RHOJ: variants seen among roughly 807,000 people sequenced by gnomAD.
RHOJ encodes the protein rho-related GTP-binding protein RhoJ.
A neutral mutation model predicts 23.4 loss-of-function variants in RHOJ; 11 were observed. The ratio of observed to expected loss-of-function variants is 0.47; its 90% CI spans 0.30 to 0.78. The LOEUF (loss-of-function observed/expected upper bound fraction) is 0.78. Ranked by LOEUF, RHOJ falls within the 30% of genes least tolerant of loss-of-function variation. The pLI, the probability that RHOJ is intolerant of heterozygous loss-of-function variation, is 0.08. For missense variants in RHOJ, 254 were observed against 273.4 expected (o/e 0.93, Z 0.50); for synonymous variants, 102 against 102.7 (o/e 0.99, Z 0.04).
chr14:63,272,167 G>C (rs1895482871), intron 2 of RHOJ, among the ~76,000 whole-genome samples: 1 of 152,182 alleles, frequency 6.6e-6, no homozygotes, highest in Non-Finnish European at 1.5e-5. Flanking sequence ...GGATGCAATG[G>C]AAAATAACCA....
chr14:63,214,195 C>A (rs1378101452), intron 1 of RHOJ, among the ~76,000 whole-genome samples: 1 of 152,122 alleles, frequency 6.6e-6, no homozygotes, highest in African/African-American at 2.4e-5. Flanking sequence ...ATTCTTGGGT[C>A]CATGTAAGGG....
chr14:63,225,139 G>A (rs1009087715), intron 1 of RHOJ, among the ~76,000 whole-genome samples: 1 of 152,074 alleles, frequency 6.6e-6, no homozygotes, highest in African/African-American at 2.4e-5. Context: ...TTTTAGTAGA[G>A]ACTGGGTTTC....
At chr14:63,260,383 C>A (rs1895251177) in intron 1 of RHOJ, among the ~76,000 whole-genome samples, 1 of 152,074 alleles carries the variant, frequency 6.6e-6, no homozygotes, top group Non-Finnish European at 1.5e-5. Context: ...GTCCTACAGC[C>A]TAAAATAAAT....
rs776871857 is a variant in RHOJ at position 63,204,830 on chromosome 14, G to A, written c.-40G>A. The A allele has an allele frequency of 6.3e-7, 1 of 1,576,482 alleles. No homozygotes were observed. The highest frequency in any genetic ancestry group is 2.3e-5 in the East Asian group (1 of 43,106). ...ATGTGCTTTGGAAAAAGCAGGAGAA[G>A]CAATAGCAGCAGGAGTCCCCAGCAG... is the stretch of plus-strand genomic sequence containing the variant. On this transcript the variant is annotated 5_prime_UTR_variant, in exon 1 of 5. Coordinates refer to ENST00000316754, the MANE Select transcript of RHOJ (RefSeq NM_020663.5).
intron 1 of RHOJ, among the ~76,000 whole-genome samples, 173 bp downstream of exon 1, chr14:63,205,220 G>A (rs1894083195): frequency 6.6e-6 from 1 of 152,170 alleles, no homozygotes; most frequent in Admixed American, 6.5e-5. Flanking sequence ...AGAACAATTT[G>A]TGCATCAATG....
intron 1 of RHOJ, among the ~76,000 whole-genome samples, chr14:63,220,352 A>C (rs1894462109): frequency 6.7e-6 from 1 of 149,704 alleles, no homozygotes; most frequent in Admixed American, 6.7e-5. Flanking sequence ...CAAGTCTCTT[A>C]ATACCTGAGT....
intron 1 of RHOJ, among the ~76,000 whole-genome samples, chr14:63,256,590 G>A (rs571241181): frequency 1.3e-5 from 2 of 152,184 alleles, no homozygotes; most frequent in Non-Finnish European, 2.9e-5. Flanking sequence ...TTCTTGGAGG[G>A]CAGGGCTCAG....
At chr14:63,288,442 C>A in intron 4 of RHOJ, 1 of 548,894 alleles carries the variant, frequency 1.8e-6, no homozygotes, top group Non-Finnish European at 2.3e-6. Flanking sequence ...ATTTTCCAGA[C>A]AAGTGCCACC....
At chr14:63,266,770 C>G (rs1026477345) in intron 1 of RHOJ, among the ~76,000 whole-genome samples, 3 of 152,180 alleles carry the variant, frequency 2.0e-5, no homozygotes, top group African/African-American at 7.2e-5. Context: ...TGAACCTTTA[C>G]TGAAGTCATT....
At chr14:63,219,910 A>G (rs1445769718) in intron 1 of RHOJ, among the ~76,000 whole-genome samples, 1 of 152,214 alleles carries the variant, frequency 6.6e-6, no homozygotes, top group Non-Finnish European at 1.5e-5. Flanking sequence ...CTCTAAGAGA[A>G]AGGCAGCAGT....
intron 2 of RHOJ, among the ~76,000 whole-genome samples, chr14:63,277,071 A>C (rs1002204441): frequency 5.3e-5 from 8 of 152,206 alleles, no homozygotes; most frequent in African/African-American, 1.9e-4. Flanking sequence ...AAAATGCTTA[A>C]TCTGTCACTT....
At chr14:63,261,660 C>G (rs1259932479) in intron 1 of RHOJ, among the ~76,000 whole-genome samples, 1 of 151,354 alleles carries the variant, frequency 6.6e-6, no homozygotes, top group Non-Finnish European at 1.5e-5. Flanking sequence ...AGGCTGGTCT[C>G]AAACTCTTGA....
chr14:63,276,700 T>C (rs984230386), intron 2 of RHOJ, among the ~76,000 whole-genome samples: 19 of 152,118 alleles, frequency 1.2e-4, no homozygotes, highest in Non-Finnish European at 2.1e-4. Flanking sequence ...GGGTAAATGA[T>C]CAGAAACAGA....
intron 1 of RHOJ, among the ~76,000 whole-genome samples, chr14:63,250,245 G>GTTTGT (rs528616259): frequency 3.3e-5 from 5 of 152,042 alleles, no homozygotes; most frequent in Admixed American, 3.3e-4. Flanking sequence ...CTTTTTGTTT[G>GTTTGT]TTTGTTTTGT....
intron 1 of RHOJ, among the ~76,000 whole-genome samples, chr14:63,264,545 G>A (rs1226370858): frequency 6.6e-6 from 1 of 152,222 alleles, no homozygotes; most frequent in Non-Finnish European, 1.5e-5. Flanking sequence ...TATATACCCA[G>A]TAATGGGATT....
At chr14:63,206,159 C>T (rs1173126099) in intron 1 of RHOJ, among the ~76,000 whole-genome samples, 4 of 152,166 alleles carry the variant, frequency 2.6e-5, no homozygotes, top group East Asian at 1.9e-4. Context: ...TAAGCCATCA[C>T]CTAAGTCACT....
rs76986812 is a variant in RHOJ, at chr14:63,236,106, A to G, written c.178+31059A>G. On this transcript the variant is annotated intron_variant, in intron 1 of 4. Transcript: ENST00000316754. Reference sequence around the variant, plus strand: ...ACATATAACAAACCTTCCTTTCTACATCCTCTCTTCTTACTCTGACCCTAC... The same window carrying G: ...ACATATAACAAACCTTCCTTTCTACGTCCTCTCTTCTTACTCTGACCCTAC... Among the ~76,000 whole-genome samples the G allele has an allele frequency of 1.1e-3, 171 of 152,316 alleles. 2 individuals are homozygous for G. Among genetic ancestry groups the G allele is most frequent in the East Asian group, 3.9e-3 (20 of 5,182 alleles).
chr14:63,271,807 AG>A (rs1895476099), intron 2 of RHOJ, among the ~76,000 whole-genome samples: 2 of 152,106 alleles, frequency 1.3e-5, no homozygotes, highest in Admixed American at 1.3e-4. Context: ...CATGTTGCCC[AG>A]GCTCGTCTCA....
At chr14:63,218,442 T>C (rs978624305) in intron 1 of RHOJ, among the ~76,000 whole-genome samples, 2 of 152,184 alleles carry the variant, frequency 1.3e-5, no homozygotes, top group Non-Finnish European at 2.9e-5. Flanking sequence ...AAAGGATGCA[T>C]TTTCGTCCCT....
Sources: allele counts gnomAD v4.1 joint callset (sites outside exome capture counted in the v4.1 genomes callset), GRCh38; gene constraint gnomAD v4.1.1; transcripts MANE v1.5; gene names NCBI Gene and HGNC (gene_info 2026-07-23, HGNC 2026-07-21).